NSUN6: variants seen among roughly 807,000 people sequenced by gnomAD.
NSUN6 encodes NOP2/Sun RNA methyltransferase 6.
NSUN6 carries 64 observed loss-of-function variants against 58.0 expected under a neutral mutation model. The ratio of observed to expected loss-of-function variants is 1.10; its 90% confidence interval spans 0.90 to 1.36. NSUN6 has a LOEUF of 1.36. NSUN6 is among the 40% of genes most tolerant of loss of function. The pLI is 0.00. For missense variants in NSUN6, 701 were observed against 550.1 expected, an observed-to-expected ratio of 1.27 and a Z score of -2.74; for synonymous variants, 231 against 193.9, an observed-to-expected ratio of 1.19 and a Z score of -1.59.
At chr10:18,602,158 G>C (rs1380514432) in intron 6 of NSUN6, among the ~76,000 whole-genome samples, 1 of 151,200 alleles carries the variant, frequency 6.6e-6, no homozygotes, top group African/African-American at 2.4e-5. Flanking sequence ...TGCCTCCCAG[G>C]TTCAACTGAT....
At chr10:18,598,541 G>A (rs1186079372) in intron 6 of NSUN6, among the ~76,000 whole-genome samples, 4 of 151,858 alleles carry the variant, frequency 2.6e-5, no homozygotes, top group Non-Finnish European at 4.4e-5. Flanking sequence ...GCACAACCAC[G>A]GCTCACTGAA....
upstream of NSUN6, among the ~76,000 whole-genome samples, chr10:18,658,871 T>A (rs117263453): frequency 0.018 from 2,693 of 152,242 alleles, 32 homozygotes; most frequent in Middle Eastern, 0.058. Context: ...CATAAATGCA[T>A]AAGCCAATGA....
Position 18,643,407 on chromosome 10 carries a change from C to T in NSUN6, c.232-852G>A, listed in dbSNP as rs551458093. On this transcript the variant is annotated intron_variant, in intron 2 of 10. Transcript: ENST00000377304. ...TTAGGGTTTATCAACTCCATTTTCA[C>T]ATACTACATAAAAGACCAATCACCA... Among the ~76,000 whole-genome samples the T allele has an allele frequency of 1.6e-3, 239 of 152,176 alleles. 2 individuals are homozygous for T. Among genetic ancestry groups the T allele is most frequent in the Non-Finnish European group, 3.0e-3 (201 of 68,006 alleles).
At chr10:18,547,143 G>A (rs556265594) in intron 10 of NSUN6, among the ~76,000 whole-genome samples, 82 of 152,180 alleles carry the variant, frequency 5.4e-4, no homozygotes, top group African/African-American at 1.5e-3. Flanking sequence ...TTAGTTTAGA[G>A]GAATCATAAG....
chr10:18,635,875 A>T (rs207470727), intron 3 of NSUN6, among the ~76,000 whole-genome samples: 2 of 151,190 alleles, frequency 1.3e-5, no homozygotes, highest in South Asian at 2.1e-4. Context: ...AAAAAGACAA[A>T]GAAGAACTAA....
intron 7 of NSUN6, among the ~76,000 whole-genome samples, chr10:18,593,985 A>G (rs1421510728): frequency 6.6e-6 from 1 of 151,990 alleles, no homozygotes; most frequent in Non-Finnish European, 1.5e-5. Context: ...AGATCACTTG[A>G]GGCCAGGAGT....
chr10:18,549,283 G>C lies in NSUN6; in HGVS notation c.1072-1046C>G, dbSNP rs1207563531. Among the ~76,000 whole-genome samples, 3 of 152,180 alleles carry C rather than the reference G, an allele frequency of 2.0e-5. No homozygotes were observed. In the East Asian group the frequency reaches 5.8e-4, roughly 29 times the overall value. ...CTCTTACTCTGGCCCATTTGACTTT[G>C]GCAACACTGGCCTCCTGCTGTTTCT... On this transcript the variant is annotated intron_variant, in intron 9 of 10. Coordinates refer to ENST00000377304, the MANE Select transcript of NSUN6 (RefSeq NM_182543.5).
chr10:18,563,821 A>T (rs549683641), intron 8 of NSUN6, among the ~76,000 whole-genome samples: 6 of 144,942 alleles, frequency 4.1e-5, no homozygotes, highest in African/African-American at 1.5e-4. Context: ...ATTACATTCC[A>T]CTACACTCTC....
intron 8 of NSUN6, among the ~76,000 whole-genome samples, chr10:18,559,768 TG>T (rs1294766562): frequency 6.8e-6 from 1 of 148,050 alleles, no homozygotes; most frequent in African/African-American, 2.5e-5. Flanking sequence ...TGGAAGGGAA[TG>T]GAATGCAGAA....
intron 8 of NSUN6, among the ~76,000 whole-genome samples, chr10:18,573,542 CCA>C (rs1294696810): frequency 1.3e-5 from 2 of 151,966 alleles, no homozygotes; most frequent in African/African-American, 4.8e-5. Context: ...TTCCCTTCTC[CCA>C]CAGTCTTTTT....
intron 2 of NSUN6, among the ~76,000 whole-genome samples, chr10:18,644,069 T>C (rs1484567364): frequency 3.9e-5 from 6 of 152,210 alleles, no homozygotes; most frequent in Non-Finnish European, 7.3e-5. Flanking sequence ...AAACGTACAA[T>C]TCAATGATTT....
chr10:18,609,190 G>T (rs2058144439), intron 6 of NSUN6, among the ~76,000 whole-genome samples: 1 of 152,052 alleles, frequency 6.6e-6, no homozygotes, highest in African/African-American at 2.4e-5. Flanking sequence ...GCACACCTGT[G>T]GTCCCAACTA....
intron 8 of NSUN6, among the ~76,000 whole-genome samples, chr10:18,552,945 T>C (rs2054703509): frequency 6.6e-6 from 1 of 150,726 alleles, no homozygotes; most frequent in Non-Finnish European, 1.5e-5. Flanking sequence ...CATTCTCCAC[T>C]CAATTCTCCA....
intron 6 of NSUN6, among the ~76,000 whole-genome samples, chr10:18,606,632 G>A (rs2058057713): frequency 6.6e-6 from 1 of 152,194 alleles, no homozygotes; most frequent in African/African-American, 2.4e-5. Flanking sequence ...ACCCTTAGGA[G>A]AAACTGGGTG....
chr10:18,579,172 T>C (rs2056794610), intron 8 of NSUN6, among the ~76,000 whole-genome samples: 1 of 152,232 alleles, frequency 6.6e-6, no homozygotes, highest in South Asian at 2.1e-4. Context: ...TTTAACTTTT[T>C]TATTACTATT....
At chr10:18,641,320 T>G (rs928060775) in intron 3 of NSUN6, among the ~76,000 whole-genome samples, 1 of 151,996 alleles carries the variant, frequency 6.6e-6, no homozygotes, top group African/African-American at 2.4e-5. Flanking sequence ...AAATGCTCCA[T>G]AGGAATAAAA....
intron 6 of NSUN6, among the ~76,000 whole-genome samples, chr10:18,596,929 G>C (rs2057610587): frequency 6.6e-6 from 1 of 151,982 alleles, no homozygotes. Context: ...TTGCCATTTT[G>C]GCCGCCTCAT....
At chr10:18,613,046 G>A (rs1019921792) in intron 5 of NSUN6, among the ~76,000 whole-genome samples, 24 of 152,048 alleles carry the variant, frequency 1.6e-4, no homozygotes, top group African/African-American at 4.3e-4. Flanking sequence ...TTCTTCCACC[G>A]GAAGAGACAA....
intron 1 of NSUN6, among the ~76,000 whole-genome samples, chr10:18,650,759 G>A (rs2059680186): frequency 6.6e-6 from 1 of 152,214 alleles, no homozygotes; most frequent in Non-Finnish European, 1.5e-5. Context: ...CATTTAAGAG[G>A]CACTCAACAA....
Sources: gnomAD v4.1 joint callset for allele counts (sites outside exome capture counted in the v4.1 genomes callset) on GRCh38, gnomAD v4.1.1 for gene constraint, MANE v1.5 for transcripts, NCBI Gene and HGNC (gene_info 2026-07-23, HGNC 2026-07-21) for gene names.